SELENOH: variants seen among roughly 807,000 people sequenced by gnomAD.
The protein encoded by SELENOH is chromosome 11 open reading frame 31.
SELENOH carries 13 observed loss-of-function variants against 11.9 expected under a neutral mutation model. The observed-to-expected ratio is 1.09, with a 90% CI of 0.71 to 1.74. The LOEUF (loss-of-function observed/expected upper bound fraction) is 1.74, where lower values mean the gene tolerates loss of function less well. Ranked by LOEUF, SELENOH falls within the 40% of genes most tolerant of loss-of-function variation. The pLI is 0.00. For missense variants in SELENOH, 223 were observed against 170.3 expected, an observed-to-expected ratio of 1.31 and a Z score of -1.72; for synonymous variants, 96 against 73.5, an observed-to-expected ratio of 1.31 and a Z score of -1.56.
Position 57,741,833 on chromosome 11 carries a change from C to T in SELENOH, c.147C>T (p.Arg49=). The part of the protein sequence containing the change: ...EHCTSURVYG[R]NAAALSQALR... Reference sequence around the variant, plus strand: ...GCACTAGCTGACGCGTCTATGGGCGCAACGCCGCGGCCCTGAGCCAGGCGC... The same window carrying T: ...GCACTAGCTGACGCGTCTATGGGCGTAACGCCGCGGCCCTGAGCCAGGCGC... Residue 49 remains arginine (R), a synonymous_variant, in exon 2 of 4, where the codon CGC becomes CGT. Coordinates refer to ENST00000534355, the MANE Select transcript of SELENOH (RefSeq NM_170746.4). 1 of 1,606,210 alleles carries T rather than the reference C, an allele frequency of 6.2e-7. No individual in the cohort carries two copies. The highest frequency in any genetic ancestry group is 8.5e-7 in the Non-Finnish European group (1 of 1,176,700).
At chr11:57,742,081 G>C (rs755063730) in intron 2 of SELENOH, 36 bp from the exon 3 acceptor site, 3 of 1,597,312 alleles carry the variant, frequency 1.9e-6, no homozygotes, top group Non-Finnish European at 2.6e-6. Flanking sequence ...CGTGGGTTCC[G>C]AAGTATTGTA....
rs930564522 is a variant in SELENOH at position 57,741,634 on chromosome 11, G to A, written c.39G>A (p.Ala13=). The A allele has an allele frequency of 2.7e-5, 35 of 1,288,384 alleles. 1 individual carries two copies. The highest frequency in any genetic ancestry group is 3.3e-5 in the Non-Finnish European group (33 of 996,506). The allele number at this position is 1,288,384 out of a possible 1,614,324, so 79.8% of individuals were successfully genotyped here. The change falls in exon 1 of 4, where the codon GCG becomes GCA. Residue 13 remains alanine (A), a synonymous_variant. Transcript: ENST00000534355. ...PRGRKRKAEA[A]VVAVAEKREK... ...GGAGGAAGCGTAAGGCTGAGGCCGC[G>A]GTGGTCGCCGTAGCCGAGAAGCGAG...
At position 57,742,961 on chromosome 11, in the gene SELENOH, G is replaced by A. The variant is rs1431367178; in HGVS notation, c.*129G>A. On this transcript the variant is annotated 3_prime_UTR_variant, in exon 4 of 4. Coordinates refer to ENST00000534355, the MANE Select transcript of SELENOH (RefSeq NM_170746.4). ...GGTTTCTTCCCTGCCAGAAATGAAG[G>A]TTCAGTTATGAGGCAACCCTCTAGT... The A allele has an allele frequency of 2.0e-5, 3 of 152,576 alleles. No individual in the cohort carries two copies. The highest frequency in any genetic ancestry group is 4.4e-5 in the Non-Finnish European group (3 of 68,050). 9.5% of individuals were successfully genotyped at this position (152,576 alleles called of 1,614,324 possible).
chr11:57,741,618 G>A lies in SELENOH; in HGVS notation c.23G>A (p.Arg8His), dbSNP rs11552988. ...GCCATGGCTCCCCGCGGGAGGAAGC[G>A]TAAGGCTGAGGCCGCGGTGGTCGCC... The part of the protein sequence containing the change: MAPRGRK[R>H]KAEAAVVAVA... Residue 8 changes from arginine to histidine, a missense_variant, in exon 1 of 4, where the codon CGT (arginine) becomes CAT (histidine). Transcript: ENST00000534355. 1.8e-3 allele frequency: 2,390 copies of A among 1,301,526 alleles called. 40 individuals are homozygous for A. The African/African-American group carries it at 0.032, about 17-fold the overall frequency. 80.6% of individuals were successfully genotyped at this position (1,301,526 alleles called of 1,614,324 possible). A position where few individuals can be genotyped will look rare whatever the true frequency, so the allele number is the denominator to read the frequency against.
intron 3 of SELENOH, chr11:57,742,486 G>A (rs1949112099): frequency 2.2e-6 from 1 of 455,374 alleles, no homozygotes; most frequent in Middle Eastern, 6.0e-4. Flanking sequence ...ATGTCCTTTG[G>A]GAGACTGTAG....
rs373869913 is a variant in SELENOH, at chr11:57,742,214, G to A, written c.366G>A (p.Ser122=). The change falls in exon 3 of 4, where the codon TCG becomes TCA. Residue 122 remains serine, a synonymous_variant. Coordinates refer to ENST00000534355, the MANE Select transcript of SELENOH (RefSeq NM_170746.4). ...TGGAAGAGTTGAAGAAGTACCTGTC[G>A]TAGGGAGATTTGGGTAGAAGCCCTC... ...EVVEELKKYL[S] The A allele has an allele frequency of 1.9e-6, 3 of 1,607,226 alleles. No individual in the cohort carries two copies. The highest frequency in any genetic ancestry group is 2.2e-5 in the East Asian group (1 of 44,752).
At position 57,743,378 on chromosome 11, in the gene SELENOH, C is replaced by CA. The variant is rs1949131814; in HGVS notation, c.*549dup. The CA allele has an allele frequency of 2.0e-5, 3 of 152,194 alleles. No individual in the cohort carries two copies. In the South Asian group the frequency reaches 6.2e-4, roughly 32 times the overall value. 9.4% of individuals were successfully genotyped at this position (152,194 alleles called of 1,614,324 possible). A position where few individuals can be genotyped will look rare whatever the true frequency, so the allele number is the denominator to read the frequency against. ...TTCACCATGTTGGCCAGGCTGGTCT[C>CA]AAACTCCTGACCTCAAGTGATATGC... On this transcript the variant is annotated 3_prime_UTR_variant, in exon 4 of 4. Coordinates refer to ENST00000534355, the MANE Select transcript of SELENOH (RefSeq NM_170746.4).
chr11:57,742,241 T>G lies in SELENOH; in HGVS notation c.*24T>G. 1.3e-6 allele frequency: 2 copies of G among 1,577,232 alleles called. No homozygotes were observed. The highest frequency in any genetic ancestry group is 2.3e-5 in the South Asian group (2 of 87,316). ...AGGGAGATTTGGGTAGAAGCCCTCA[T>G]GCTGAGGTTTGAAATGGGAAGTGGG... On this transcript the variant is annotated 3_prime_UTR_variant, in exon 3 of 4. Coordinates refer to ENST00000534355, the MANE Select transcript of SELENOH (RefSeq NM_170746.4).
At chr11:57,741,768 G>A (rs369458858) in intron 1 of SELENOH, 41 bp from the exon 2 acceptor site, 18 of 1,601,234 alleles carry the variant, frequency 1.1e-5, no homozygotes, top group South Asian at 3.4e-5. Flanking sequence ...CGCCGGGGGG[G>A]GCCAGGGGCC....
chr11:57,742,277 G>A (rs1949104175), intron 3 of SELENOH, 30 bp downstream of exon 3: 3 of 1,456,254 alleles, frequency 2.1e-6, no homozygotes, highest in East Asian at 4.9e-5. Flanking sequence ...GGGCGCGACC[G>A]CTGTTGAGGA....
At position 57,741,966 on chromosome 11, in the gene SELENOH, C is replaced by T. The variant is rs577631223; in HGVS notation, c.268+12C>T. On this transcript the variant is annotated intron_variant, in intron 2 of 3. Transcript: ENST00000534355. Reference sequence around the variant, plus strand: ...CCCGGACGGCAGCAGTAAGTGGGGACCTGGATGTGGGGGAGAGGGACGTGG... The same window carrying T: ...CCCGGACGGCAGCAGTAAGTGGGGATCTGGATGTGGGGGAGAGGGACGTGG... The T allele has an allele frequency of 1.1e-4, 176 of 1,584,456 alleles. No individual in the cohort carries two copies. The highest frequency in any genetic ancestry group is 3.4e-4 in the Middle Eastern group (2 of 5,916).
Position 57,742,059 on chromosome 11 carries a change from C to T in SELENOH, c.269-58C>T. The T allele has an allele frequency of 2.5e-6, 4 of 1,588,058 alleles. No homozygotes were observed. In the Admixed American group the frequency reaches 7.2e-5, roughly 29 times the overall value. On this transcript the variant is annotated intron_variant, in intron 2 of 3. Coordinates refer to ENST00000534355, the MANE Select transcript of SELENOH (RefSeq NM_170746.4). ...AGAAACCACGGCAGTCTCATGACTTCAGAGACGTGCTCGTGGGTTCCGAAG... is the reference window on the plus strand; with the variant it reads ...AGAAACCACGGCAGTCTCATGACTTTAGAGACGTGCTCGTGGGTTCCGAAG...
At position 57,742,148 on chromosome 11, in the gene SELENOH, G is replaced by A. The variant is rs767638486; in HGVS notation, c.300G>A (p.Gly100=). Residue 100 remains glycine (G), a synonymous_variant, in exon 3 of 4, where the codon GGG becomes GGA. Coordinates refer to ENST00000534355, the MANE Select transcript of SELENOH (RefSeq NM_170746.4). ...AGCTCTGGACTGGGATTAAGAAGGG[G>A]CCCCCACGCAAACTCAAATTCCCTG... ...SAELWTGIKK[G]PPRKLKFPEP... The A allele has an allele frequency of 6.2e-6, 10 of 1,612,066 alleles. No individual in the cohort carries two copies. The highest frequency in any genetic ancestry group is 3.3e-4 in the Middle Eastern group (2 of 6,054).
At position 57,742,145 on chromosome 11, in the gene SELENOH, G is replaced by A. The variant is rs759598701; in HGVS notation, c.297G>A (p.Lys99=). Residue 99 remains lysine (K), a synonymous_variant, in exon 3 of 4, where the codon AAG becomes AAA. Transcript: ENST00000534355. Reference sequence around the variant, plus strand: ...CGGAGCTCTGGACTGGGATTAAGAAGGGGCCCCCACGCAAACTCAAATTCC... The same window carrying A: ...CGGAGCTCTGGACTGGGATTAAGAAAGGGCCCCCACGCAAACTCAAATTCC... ...SSAELWTGIK[K]GPPRKLKFPE... is the part of the protein sequence containing the mutation. 8 of 1,611,994 alleles carry A rather than the reference G, an allele frequency of 5.0e-6. No homozygotes were observed. The African/African-American group carries it at 9.3e-5, about 19-fold the overall frequency.
chr11:57,742,296 C>CATTG lies in SELENOH; in HGVS notation c.*30+52_*30+55dup. The CATTG allele has an allele frequency of 2.9e-6, 4 of 1,361,210 alleles. No individual in the cohort carries two copies. The South Asian group carries it at 5.1e-5, about 17-fold the overall frequency. 84.3% of individuals were successfully genotyped at this position (1,361,210 alleles called of 1,614,324 possible). A position where few individuals can be genotyped will look rare whatever the true frequency, so the allele number is the denominator to read the frequency against. On this transcript the variant is annotated intron_variant, in intron 3 of 3. Transcript: ENST00000534355. ...GCGACCGCTGTTGAGGAAGAGAAGG[C>CATTG]ATTGATCTTGGTGTGGCTACAAGTA...
At chr11:57,742,406 C>T (rs996356482) in intron 3 of SELENOH, 159 bp downstream of exon 3, 1 of 592,302 alleles carries the variant, frequency 1.7e-6, no homozygotes, top group African/African-American at 1.9e-5. Flanking sequence ...CAGGGAGACC[C>T]TATTTGAAAA....
Position 57,741,855 on chromosome 11 carries a change from G to T in SELENOH, c.169G>T (p.Ala57Ser), listed in dbSNP as rs1425470982. The T allele has an allele frequency of 6.2e-7, 1 of 1,605,690 alleles. No individual in the cohort carries two copies. Among genetic ancestry groups the T allele is most frequent in the Non-Finnish European group, 8.5e-7 (1 of 1,176,812 alleles). The change falls in exon 2 of 4, where the codon GCG becomes TCG. Residue 57 changes from alanine (A) to serine (S), a missense_variant. Transcript: ENST00000534355. The part of the protein sequence containing the change: ...YGRNAAALSQ[A>S]LRLEAPELPV... The stretch of plus-strand genomic sequence containing the variant: ...GCGCAACGCCGCGGCCCTGAGCCAG[G>T]CGCTGCGCCTGGAGGCCCCAGAGCT...
In SELENOH at chr11:57,741,923, C is replaced by T. The variant is rs556280040; in HGVS notation, c.237C>T (p.Phe79=). Residue 79 remains phenylalanine (F), a synonymous_variant, in exon 2 of 4, where the codon TTC becomes TTT. Transcript: ENST00000534355. ...VNPTKPRRGS[F]EVTLLRPDGS... is the part of the protein sequence containing the mutation. ...CGACGAAGCCCCGGAGGGGCAGCTT[C>T]GAGGTGACGCTGCTGCGCCCGGACG... The T allele has an allele frequency of 6.9e-6, 11 of 1,591,052 alleles. No individual in the cohort carries two copies. The highest frequency in any genetic ancestry group is 2.2e-5 in the East Asian group (1 of 44,696).
chr11:57,742,512 G>A, intron 3 of SELENOH: 1 of 386,808 alleles, frequency 2.6e-6, no homozygotes, highest in South Asian at 3.2e-5. Context: ...TTGCCCTGGG[G>A]GTATGGACAA....
Sources: allele counts gnomAD v4.1 joint callset, GRCh38; gene constraint gnomAD v4.1.1; transcripts MANE v1.5; gene names NCBI Gene and HGNC (gene_info 2026-07-23, HGNC 2026-07-21).